The following ARHGEF28 variants were observed in gnomAD, a reference collection of about 807,000 sequenced individuals.
ARHGEF28 encodes the protein 190 kDa guanine nucleotide exchange factor.
In ARHGEF28, 152 loss-of-function variants were observed where a neutral mutation model predicts 206.6. That is an observed-to-expected ratio of 0.74 (90% CI 0.64 to 0.84). The LOEUF is 0.84. Ranked by LOEUF, ARHGEF28 falls within the 40% of genes least tolerant of loss-of-function variation. ARHGEF28 has a pLI of 0.00. For missense variants in ARHGEF28, 2,028 were observed against 2,073.2 expected (o/e 0.98, Z 0.42); for synonymous variants, 763 against 776.4 (o/e 0.98, Z 0.29).
At chr5:73,795,913 G>A (rs1754776549) in intron 9 of ARHGEF28, among the ~76,000 whole-genome samples, 1 of 152,228 alleles carries the variant, frequency 6.6e-6, no homozygotes, top group African/African-American at 2.4e-5. Context: ...TGAGTCTGAT[G>A]TGAGTGTCCT....
chr5:73,662,369 G>A (rs775166337), intron 1 of ARHGEF28, among the ~76,000 whole-genome samples: 3 of 152,190 alleles, frequency 2.0e-5, no homozygotes, highest in Admixed American at 6.5e-5. Flanking sequence ...TAATACTGTG[G>A]AGAAGGAAAA....
intron 1 of ARHGEF28, among the ~76,000 whole-genome samples, chr5:73,637,166 G>A (rs1384426689): frequency 6.6e-6 from 1 of 152,168 alleles, no homozygotes; most frequent in African/African-American, 2.4e-5. Context: ...TGAACTTAAT[G>A]TACCTAACCC....
intron 9 of ARHGEF28, among the ~76,000 whole-genome samples, chr5:73,825,799 T>G (rs982490908): frequency 2.0e-5 from 3 of 151,664 alleles, no homozygotes; most frequent in African/African-American, 7.3e-5. Flanking sequence ...AGAAGCTGGG[T>G]GTTGGGGTGG....
In ARHGEF28 at chr5:73,709,645, G is replaced by A. The variant is rs1179340962; in HGVS notation, c.33+24761G>A. ...ACATGATTGCTAACAGGCTTCAGATGTGCCTTGTAGATAATCACAAGAAAC... is the reference window on the plus strand; with the variant it reads ...ACATGATTGCTAACAGGCTTCAGATATGCCTTGTAGATAATCACAAGAAAC... On this transcript the variant is annotated intron_variant, in intron 2 of 35. Transcript: ENST00000513042. 5.9e-5 allele frequency among the ~76,000 whole-genome samples: 9 copies of A among 152,262 alleles called. No individual in the cohort carries two copies. The East Asian group carries it at 1.5e-3, about 26-fold the overall frequency.
chr5:73,658,089 G>A (rs1745333755), intron 1 of ARHGEF28, among the ~76,000 whole-genome samples: 1 of 151,368 alleles, frequency 6.6e-6, no homozygotes, highest in Non-Finnish European at 1.5e-5. Context: ...AAGCAATAAG[G>A]TTCTCATGTT....
chr5:73,872,554 T>C (rs189640972), intron 21 of ARHGEF28, among the ~76,000 whole-genome samples: 5 of 152,346 alleles, frequency 3.3e-5, no homozygotes, highest in Admixed American at 3.3e-4. Flanking sequence ...GTTATCTGCA[T>C]TGAAGAACTT....
intron 2 of ARHGEF28, among the ~76,000 whole-genome samples, chr5:73,715,380 A>G (rs1359741519): frequency 1.3e-5 from 2 of 152,166 alleles, no homozygotes; most frequent in African/African-American, 4.8e-5. Context: ...AAAGCCTAGC[A>G]GGAGACACAA....
At chr5:73,761,759 G>A (rs927980010) in intron 4 of ARHGEF28, among the ~76,000 whole-genome samples, 1 of 152,166 alleles carries the variant, frequency 6.6e-6, no homozygotes, top group South Asian at 2.1e-4. Context: ...GACACATCAG[G>A]TCAATATCTG....
chr5:73,655,035 T>C (rs1200944132), intron 1 of ARHGEF28, among the ~76,000 whole-genome samples: 1 of 152,218 alleles, frequency 6.6e-6, no homozygotes, highest in Non-Finnish European at 1.5e-5. Context: ...TCTATTTGGA[T>C]TATGAATAGA....
chr5:73,797,871 T>G (rs917211627), intron 9 of ARHGEF28, among the ~76,000 whole-genome samples: 2 of 152,232 alleles, frequency 1.3e-5, no homozygotes, highest in Non-Finnish European at 2.9e-5. Flanking sequence ...AGTGGCACCC[T>G]CTGTGCTGAT....
chr5:73,891,550 C>CT (rs992717420), intron 26 of ARHGEF28, among the ~76,000 whole-genome samples: 32 of 144,442 alleles, frequency 2.2e-4, no homozygotes, highest in African/African-American at 7.2e-4. Flanking sequence ...TTTTTTTTTT[C>CT]TTTTTTTGAG....
intron 1 of ARHGEF28, among the ~76,000 whole-genome samples, chr5:73,661,721 T>C (rs553385482): frequency 1.3e-5 from 2 of 152,064 alleles, no homozygotes; most frequent in South Asian, 4.2e-4. Context: ...AATGGCCAGA[T>C]GGTGGAGCAG....
chr5:73,872,941 A>G (rs1760200870), intron 21 of ARHGEF28, 58 bp from the exon 22 acceptor site: 2 of 1,583,838 alleles, frequency 1.3e-6, no homozygotes, highest in African/African-American at 1.3e-5. Flanking sequence ...ATTTAGTTTA[A>G]TAGCGAAACT....
intron 2 of ARHGEF28, among the ~76,000 whole-genome samples, chr5:73,709,462 A>G (rs933207672): frequency 2.0e-5 from 3 of 152,210 alleles, no homozygotes; most frequent in African/African-American, 7.2e-5. Context: ...GATGGTTACT[A>G]TGGCACTGAA....
At chr5:73,836,014 A>G (rs1329634045) in intron 10 of ARHGEF28, among the ~76,000 whole-genome samples, 1 of 151,254 alleles carries the variant, frequency 6.6e-6, no homozygotes, top group Non-Finnish European at 1.5e-5. Context: ...ATATTTTCAG[A>G]AAATCATATG....
At chr5:73,764,931 A>C (rs1293371544) in intron 4 of ARHGEF28, among the ~76,000 whole-genome samples, 1 of 152,206 alleles carries the variant, frequency 6.6e-6, no homozygotes, top group East Asian at 1.9e-4. Context: ...AAAACATCTT[A>C]AAGATTGTGT....
At chr5:73,708,286 T>C (rs914762441) in intron 2 of ARHGEF28, among the ~76,000 whole-genome samples, 2 of 152,068 alleles carry the variant, frequency 1.3e-5, no homozygotes, top group African/African-American at 4.8e-5. Context: ...TGGGGCACAA[T>C]TGATCTCGCT....
chr5:73,909,733 C>T lies in ARHGEF28; in HGVS notation c.4483C>T (p.Leu1495Phe), dbSNP rs904687160. The change falls in exon 34 of 36, where the codon CTC becomes TTC. Residue 1495 changes from leucine (L) to phenylalanine (F), a missense_variant. Leu to Phe is a conservative substitution (Grantham distance 22). Around this residue, in one of 3 missense-constraint regions of ARHGEF28, gnomAD observed 803 missense variants for 768.0 expected, o/e 1.05. Coordinates refer to ENST00000513042, the MANE Select transcript of ARHGEF28 (RefSeq NM_001177693.2). ...GCTGCGGAGCCGGGGCGAGCTGGAC[C>T]TCCAGCTCCAGGAGTACCAGCACAG... The part of the protein sequence containing the change: ...LLLRSRGELD[L>F]QLQEYQHSLE... The T allele has an allele frequency of 2.6e-6, 4 of 1,515,664 alleles. No individual in the cohort carries two copies. Among genetic ancestry groups the T allele is most frequent in the African/African-American group, 1.4e-5 (1 of 72,494 alleles). 93.9% of individuals were successfully genotyped at this position (1,515,664 alleles called of 1,614,324 possible). A position where few individuals can be genotyped will look rare whatever the true frequency, so the allele number is the denominator to read the frequency against.
At chr5:73,630,354 T>G (rs575571818) in intron 1 of ARHGEF28, among the ~76,000 whole-genome samples, 2 of 152,118 alleles carry the variant, frequency 1.3e-5, no homozygotes, top group African/African-American at 4.8e-5. Context: ...ACTGTCTGGG[T>G]TAAATAGCCC....
Sources: allele counts gnomAD v4.1 joint callset (sites outside exome capture counted in the v4.1 genomes callset), GRCh38; gene constraint gnomAD v4.1.1; regional missense constraint gnomAD v4.1.1; transcripts MANE v1.5; gene names NCBI Gene and HGNC (gene_info 2026-07-23, HGNC 2026-07-21).